The following SPRTN variants were observed in gnomAD, a reference collection of about 807,000 sequenced individuals.
SPRTN encodes the protein SprT-like N-terminal domain.
A neutral mutation model predicts 31.9 loss-of-function variants in SPRTN; 11 were observed. The ratio of observed to expected loss-of-function variants is 0.34; its 90% CI spans 0.22 to 0.57. The LOEUF is 0.57. SPRTN is among the 20% of genes least tolerant of loss of function. The pLI is 0.86. For synonymous variants in SPRTN, 185 were observed against 212.1 expected, an observed-to-expected ratio of 0.87 and a Z score of 1.11; for missense variants, 482 against 590.1, an observed-to-expected ratio of 0.82 and a Z score of 1.90.
At chr1:231,343,770 C>T (rs916933413) in intron 2 of SPRTN, among the ~76,000 whole-genome samples, 1 of 152,026 alleles carries the variant, frequency 6.6e-6, no homozygotes, top group African/African-American at 2.4e-5. Context: ...CTTTACCATT[C>T]AACTCATCAC....
chr1:231,339,630 G>A (rs1437375512), intron 1 of SPRTN, 139 bp from the exon 2 acceptor site: 5 of 897,574 alleles, frequency 5.6e-6, no homozygotes, highest in African/African-American at 1.6e-5. Flanking sequence ...TAGGTGAAAT[G>A]CAAGTATCTG....
chr1:231,339,957 C>T (rs1686819341), intron 2 of SPRTN, 89 bp downstream of exon 2: 3 of 1,280,456 alleles, frequency 2.3e-6, no homozygotes, highest in Admixed American at 3.7e-5. Context: ...CTGTATGTAT[C>T]GTTAAAAAAA....
At chr1:231,344,187 C>T (rs1686982093) in intron 2 of SPRTN, among the ~76,000 whole-genome samples, 1 of 152,018 alleles carries the variant, frequency 6.6e-6, no homozygotes, top group Non-Finnish European at 1.5e-5. Context: ...TTTGCAGTAC[C>T]TTTCTTGAAT....
At chr1:231,344,714 G>A in intron 2 of SPRTN, 2 of 324,290 alleles carry the variant, frequency 6.2e-6, no homozygotes, top group South Asian at 2.6e-5. Flanking sequence ...TCATGAAAAA[G>A]GTATGTCTTT....
At position 231,351,389 on chromosome 1, in the gene SPRTN, A is replaced by C; in HGVS notation, c.536A>C (p.Tyr179Ser). Residue 179 changes from tyrosine to serine, a missense_variant, in exon 4 of 5, where the codon TAT becomes TCT. Physicochemically the swap from Tyr to Ser is moderately radical, Grantham distance 144. Coordinates refer to ENST00000295050, the MANE Select transcript of SPRTN (RefSeq NM_032018.7). ...GGGCCGTGCCAGCACAGGCCACCGTATTACGGCTATGTCAAACGAGCTACT... is the reference window on the plus strand; with the variant it reads ...GGGCCGTGCCAGCACAGGCCACCGTCTTACGGCTATGTCAAACGAGCTACT... ...CNGPCQHRPP[Y>S]YGYVKRATNR... The C allele has an allele frequency of 6.2e-7, 1 of 1,614,118 alleles. No individual in the cohort carries two copies. The highest frequency in any genetic ancestry group is 8.5e-7 in the Non-Finnish European group (1 of 1,180,018).
intron 2 of SPRTN, among the ~76,000 whole-genome samples, chr1:231,341,566 T>G (rs1315441655): frequency 6.6e-6 from 1 of 152,146 alleles, no homozygotes; most frequent in African/African-American, 2.4e-5. Context: ...GGGAAGAAGT[T>G]TTACTAGAGG....
At position 231,351,634 on chromosome 1, in the gene SPRTN, G is replaced by GTCCT. The variant is rs1417431485; in HGVS notation, c.718+66_718+69dup. The GTCCT allele has an allele frequency of 1.9e-6, 3 of 1,570,102 alleles. No individual in the cohort carries two copies. The African/African-American group carries it at 4.1e-5, about 21-fold the overall frequency. On this transcript the variant is annotated intron_variant, in intron 4 of 4. Transcript: ENST00000295050. Reference sequence around the variant, plus strand: ...ATAGCTATGATGTAAAGACAATACTGTCCTTCAGAGAACTGGTATTAAGAT... The same window carrying GTCCT: ...ATAGCTATGATGTAAAGACAATACTGTCCTTCCTTCAGAGAACTGGTATTAAGAT...
At chr1:231,339,607 G>C (rs1041221494) in intron 1 of SPRTN, 162 bp from the exon 2 acceptor site, 1 of 829,692 alleles carries the variant, frequency 1.2e-6, no homozygotes, top group African/African-American at 1.7e-5. Context: ...CGCGGGGGTT[G>C]TAACTAATTA....
intron 2 of SPRTN, among the ~76,000 whole-genome samples, chr1:231,342,037 C>G (rs1017218953): frequency 6.6e-6 from 1 of 152,142 alleles, no homozygotes; most frequent in Middle Eastern, 3.2e-3. Flanking sequence ...CTCAGCCTCC[C>G]AAAGTGCTGG....
At chr1:231,340,692 G>A (rs1341226777) in intron 2 of SPRTN, among the ~76,000 whole-genome samples, 2 of 152,092 alleles carry the variant, frequency 1.3e-5, no homozygotes, top group Non-Finnish European at 2.9e-5. Context: ...ATGGAGCAGT[G>A]GGAGCTGAGG....
At chr1:231,345,076 T>C (rs1442602677) in intron 2 of SPRTN, among the ~76,000 whole-genome samples, 1 of 152,198 alleles carries the variant, frequency 6.6e-6, no homozygotes. Flanking sequence ...AAATACTATG[T>C]ACATTCTTCT....
rs1687300464 is a variant in SPRTN at position 231,353,368 on chromosome 1, T to C, written c.*7T>C. On this transcript the variant is annotated 3_prime_UTR_variant, in exon 5 of 5. Transcript: ENST00000295050. ...AAGCGAAGAAAGTCTTTGAAAAAGG[T>C]TTCAAAGTCTCAAGTACCACCTGTA... is the stretch of plus-strand genomic sequence containing the variant. 1 of 1,564,366 alleles carries C rather than the reference T, an allele frequency of 6.4e-7. No homozygotes were observed. Among genetic ancestry groups the C allele is most frequent in the African/African-American group, 1.4e-5 (1 of 72,860 alleles).
At position 231,351,407 on chromosome 1, in the gene SPRTN, G is replaced by A. The variant is rs376546270; in HGVS notation, c.554G>A (p.Arg185Gln). The A allele has an allele frequency of 8.7e-6, 14 of 1,613,940 alleles. No individual in the cohort carries two copies. The highest frequency in any genetic ancestry group is 2.7e-5 in the African/African-American group (2 of 74,898). ...HRPPYYGYVK[R>Q]ATNREPSAHD... ...CCACCGTATTACGGCTATGTCAAACGAGCTACTAACAGGGAACCCTCTGCT... is the reference window on the plus strand; with the variant it reads ...CCACCGTATTACGGCTATGTCAAACAAGCTACTAACAGGGAACCCTCTGCT... Residue 185 changes from arginine to glutamine, a missense_variant, in exon 4 of 5, where the codon CGA becomes CAA. This residue lies in a region of SPRTN where 325 missense variants were observed against 350.2 expected (regional missense o/e 0.93). Transcript: ENST00000295050.
Position 231,347,857 on chromosome 1 carries a change from G to A in SPRTN, c.382G>A (p.Glu128Lys), listed in dbSNP as rs776369037. The change falls in exon 3 of 5, where the codon GAA becomes AAA. Residue 128 changes from glutamate (E) to lysine (K), a missense_variant. Around this residue, in one of 2 missense-constraint regions of SPRTN, gnomAD observed 157 missense variants for 239.9 expected, o/e 0.65. Transcript: ENST00000295050. ...TGTCACTAATAACGACAAAGACCGA[G>A]AAGGGCATGGTCCAGAATTTTGTAA... ...LFVTNNDKDREGHGPEFCKHM... is the reference protein window; with the variant it reads ...LFVTNNDKDRKGHGPEFCKHM... The A allele has an allele frequency of 1.9e-6, 3 of 1,613,992 alleles. No individual in the cohort carries two copies. The highest frequency in any genetic ancestry group is 1.7e-6 in the Non-Finnish European group (2 of 1,180,016).
chr1:231,346,441 G>A (rs1033565432), intron 2 of SPRTN, among the ~76,000 whole-genome samples: 13 of 149,850 alleles, frequency 8.7e-5, no homozygotes, highest in Admixed American at 6.7e-4. Context: ...TCCTGACCTC[G>A]TGATCCGGAA....
rs139764980 is a variant in SPRTN, at chr1:231,353,176, A to G, written c.1285A>G (p.Ser429Gly). 2 of 1,612,860 alleles carry G rather than the reference A, an allele frequency of 1.2e-6. No individual in the cohort carries two copies. Among genetic ancestry groups the G allele is most frequent in the Non-Finnish European group, 1.7e-6 (2 of 1,179,718 alleles). The change falls in exon 5 of 5, where the codon AGC becomes GGC. Residue 429 changes from serine (S) to glycine (G), a missense_variant. Transcript: ENST00000295050. ...NFFIKKEQIKSSGNDPKYSTT... is the reference protein window; with the variant it reads ...NFFIKKEQIKGSGNDPKYSTT... Reference sequence around the variant, plus strand: ...TTTTATCAAGAAAGAGCAAATAAAAAGCAGTGGTAATGATCCAAAGTATAG... The same window carrying G: ...TTTTATCAAGAAAGAGCAAATAAAAGGCAGTGGTAATGATCCAAAGTATAG...
chr1:231,338,505 C>CCACA lies in SPRTN; in HGVS notation c.124_127dup (p.Pro43HisfsTer12). On this transcript the variant is annotated frameshift_variant, in exon 1 of 5. Transcript: ENST00000295050. LOFTEE classifies it high-confidence loss of function. ...GACGCGTCGTGGGAGTTGGTGGACC[C>CCACA]CACACCGGACTTGCAGGCACTGTTT... is the stretch of plus-strand genomic sequence containing the variant. The CCACA allele has an allele frequency of 6.2e-7, 1 of 1,614,266 alleles. No individual in the cohort carries two copies. The highest frequency in any genetic ancestry group is 8.5e-7 in the Non-Finnish European group (1 of 1,180,036).
intron 2 of SPRTN, among the ~76,000 whole-genome samples, chr1:231,342,967 G>A (rs1483722246): frequency 6.6e-6 from 1 of 151,360 alleles, no homozygotes; most frequent in Non-Finnish European, 1.5e-5. Flanking sequence ...TCAATCTCCT[G>A]ACCTCGTGAT....
chr1:231,349,230 A>G (rs1047913180), intron 3 of SPRTN, among the ~76,000 whole-genome samples: 2 of 152,078 alleles, frequency 1.3e-5, no homozygotes, highest in African/African-American at 2.4e-5. Context: ...CTCCCATCTC[A>G]GCCTCCCAAA....
Sources: gnomAD v4.1 joint callset for allele counts (sites outside exome capture counted in the v4.1 genomes callset) on GRCh38, gnomAD v4.1.1 for gene constraint, gnomAD v4.1.1 regional missense constraint, MANE v1.5 for transcripts, NCBI Gene and HGNC (gene_info 2026-07-23, HGNC 2026-07-21) for gene names.